FBLN1: variants seen among roughly 807,000 people sequenced by gnomAD.
The protein encoded by FBLN1 is fibulin 1.
FBLN1 carries 34 observed loss-of-function variants against 89.7 expected under a neutral mutation model. The observed-to-expected ratio is 0.38, with a 90% confidence interval of 0.29 to 0.50. The LOEUF (loss-of-function observed/expected upper bound fraction) is 0.50, where lower values mean the gene tolerates loss of function less well. FBLN1 is among the 20% of genes least tolerant of loss of function. FBLN1 has a pLI of 0.92. For synonymous variants in FBLN1, 393 were observed against 391.3 expected (o/e 1.00, Z -0.05); for missense variants, 777 against 988.1 (o/e 0.79, Z 2.86).
rs961410986 is a variant in FBLN1 at position 45,532,560 on chromosome 22, G to T, written c.545-503G>T. On this transcript the variant is annotated intron_variant, in intron 5 of 16. Coordinates refer to ENST00000327858, the MANE Select transcript of FBLN1 (RefSeq NM_006486.3). This position sits in a 1 kb window ranked among gnomAD's most constrained non-coding sequence, Gnocchi z 4.2. Reference sequence around the variant, plus strand: ...TCTGGCCACCCTGTAGGAAGAACAGGTTGTGGGGTGCTTCTGGGCTATGCA... The same window carrying T: ...TCTGGCCACCCTGTAGGAAGAACAGTTTGTGGGGTGCTTCTGGGCTATGCA... 1.3e-5 allele frequency among the ~76,000 whole-genome samples: 2 copies of T among 152,166 alleles called. No homozygotes were observed. The highest frequency in any genetic ancestry group is 2.9e-5 in the Non-Finnish European group (2 of 68,008).
intron 16 of FBLN1, among the ~76,000 whole-genome samples, chr22:45,582,911 G>C (rs1273534145): frequency 6.6e-6 from 1 of 152,194 alleles, no homozygotes; most frequent in Non-Finnish European, 1.5e-5. Flanking sequence ...GTAGTATCAA[G>C]ACCAGACCTT....
chr22:45,579,277 C>T lies in FBLN1; in HGVS notation c.1972+2169C>T, dbSNP rs187765289. Among the ~76,000 whole-genome samples the T allele has an allele frequency of 5.6e-3, 854 of 152,388 alleles. 6 individuals are homozygous for T. The highest frequency in any genetic ancestry group is 0.02 in the African/African-American group (836 of 41,598). Reference sequence around the variant, plus strand: ...GGCTCCTAGAGACCATCCCTTCCTTCTTCCGTAGGAGGGGAAACTGAGGCC... The same window carrying T: ...GGCTCCTAGAGACCATCCCTTCCTTTTTCCGTAGGAGGGGAAACTGAGGCC... On this transcript the variant is annotated intron_variant, in intron 16 of 16. Coordinates refer to ENST00000327858, the MANE Select transcript of FBLN1 (RefSeq NM_006486.3). The surrounding 1 kb of genome is among the most constrained non-coding windows in gnomAD (Gnocchi z 5.5).
Position 45,542,165 on chromosome 22 carries a change from G to C in FBLN1, c.1077G>C (p.Glu359Asp). Residue 359 changes from glutamate (E) to aspartate (D), a missense_variant, in exon 10 of 17, where the codon GAG (glutamate) becomes GAC (aspartate). By Grantham distance (45) the Glu-to-Asp change is conservative. Transcript: ENST00000327858. Reference sequence around the variant, plus strand: ...TTTCTCCTTTGCAAGATGTGGACGAGTGCGCGCCACCTGCTGAGCCCTGTG... The same window carrying C: ...TTTCTCCTTTGCAAGATGTGGACGACTGCGCGCCACCTGCTGAGCCCTGTG... ...EEGTRCVDVD[E>D]CAPPAEPCGK... 6.2e-7 allele frequency: 1 copy of C among 1,614,200 alleles called. No homozygotes were observed. Among genetic ancestry groups the C allele is most frequent in the Non-Finnish European group, 8.5e-7 (1 of 1,180,046 alleles).
At chr22:45,573,250 G>C (rs2088965502) in intron 14 of FBLN1, among the ~76,000 whole-genome samples, 1 of 151,686 alleles carries the variant, frequency 6.6e-6, no homozygotes, top group Non-Finnish European at 1.5e-5. Context: ...TAAATAAATA[G>C]AAAAGAAAAT....
At chr22:45,528,520 T>A (rs2088361460) in intron 4 of FBLN1, among the ~76,000 whole-genome samples, 1 of 152,084 alleles carries the variant, frequency 6.6e-6, no homozygotes, top group African/African-American at 2.4e-5. Flanking sequence ...AATTTTTGTA[T>A]TTTTAGTAGG....
Position 45,561,079 on chromosome 22 carries a change from A to G in FBLN1, c.1697+10464A>G, listed in dbSNP as rs2088845688. ...TTATAAACTCAGTGTCCCCAGCTTC[A>G]TCAGGCTCCTCCCACATGTCCCCAT... On this transcript the variant is annotated intron_variant, in intron 14 of 16. Coordinates refer to ENST00000327858, the MANE Select transcript of FBLN1 (RefSeq NM_006486.3). The surrounding 1 kb of genome is among the most constrained non-coding windows in gnomAD (Gnocchi z 4.7). 6.6e-6 allele frequency among the ~76,000 whole-genome samples: 1 copy of G among 152,204 alleles called. No individual in the cohort carries two copies. Among genetic ancestry groups the G allele is most frequent in the Non-Finnish European group, 1.5e-5 (1 of 68,036 alleles).
In FBLN1 at chr22:45,576,441, T is replaced by C. The variant is rs560269299; in HGVS notation, c.1841-536T>C. 2.0e-5 allele frequency among the ~76,000 whole-genome samples: 3 copies of C among 152,146 alleles called. No homozygotes were observed. The highest frequency in any genetic ancestry group is 2.0e-4 in the Admixed American group (3 of 15,300). ...TTCCTCACCTTACAGGTGAGGAAAC[T>C]GAGGCCCACAGAGAGGACTCCCCCA... On this transcript the variant is annotated intron_variant, in intron 15 of 16. Coordinates refer to ENST00000327858, the MANE Select transcript of FBLN1 (RefSeq NM_006486.3). This position sits in a 1 kb window ranked among gnomAD's most constrained non-coding sequence, Gnocchi z 5.2.
intron 2 of FBLN1, among the ~76,000 whole-genome samples, chr22:45,519,758 AGTCTGGCCC>A (rs1336353625): frequency 2.0e-5 from 3 of 152,196 alleles, no homozygotes; most frequent in African/African-American, 7.2e-5. Context: ...GACAGCAGCC[AGTCTGGCCC>A]CGGGAAGGAC....
In FBLN1 at chr22:45,600,436, A is replaced by C. The variant is rs1920925211; in HGVS notation, c.2102A>C (p.Tyr701Ser). ...AACGTCCACATCTTCGTCTCTGAGT[A>C]CTGGTTCTGAGGGCTGGTCTGCCGC... ...VVNVHIFVSE[Y>S]WF The change falls in exon 17 of 17, where the codon TAC (tyrosine) becomes TCC (serine). Residue 701 changes from tyrosine to serine, a missense_variant. Coordinates refer to ENST00000327858, the MANE Select transcript of FBLN1 (RefSeq NM_006486.3). The C allele has an allele frequency of 6.2e-7, 1 of 1,613,992 alleles. No homozygotes were observed. The highest frequency in any genetic ancestry group is 8.5e-7 in the Non-Finnish European group (1 of 1,180,028).
rs918552636 is a variant in FBLN1, at chr22:45,563,740, G to C, written c.1698-10771G>C. Among the ~76,000 whole-genome samples, 8 of 152,210 alleles carry C rather than the reference G, an allele frequency of 5.3e-5. No individual in the cohort carries two copies. Among genetic ancestry groups the C allele is most frequent in the African/African-American group, 1.7e-4 (7 of 41,450 alleles). On this transcript the variant is annotated intron_variant, in intron 14 of 16. Coordinates refer to ENST00000327858, the MANE Select transcript of FBLN1 (RefSeq NM_006486.3). This position sits in a 1 kb window ranked among gnomAD's most constrained non-coding sequence, Gnocchi z 5.7. ...CGTCTGGCCTGCTGTGGCCATGCCAGGTCAAGGAAGCGGGTCTGCTGGCCC... is the reference window on the plus strand; with the variant it reads ...CGTCTGGCCTGCTGTGGCCATGCCACGTCAAGGAAGCGGGTCTGCTGGCCC...
At chr22:45,548,814 C>A in intron 13 of FBLN1, 70 bp downstream of exon 13, 1 of 1,596,788 alleles carries the variant, frequency 6.3e-7, no homozygotes, top group Admixed American at 1.7e-5. Flanking sequence ...GGGGCTGAGG[C>A]TGGGCTCGGG....
rs2088610293 is a variant in FBLN1, at chr22:45,545,144, A to T, written c.1321+1618A>T. The stretch of plus-strand genomic sequence containing the variant: ...GCATGATTCTCAAATCGGAGGACGG[A>T]CGGTGTGAGGGGTCCTGGGCTTAGT... On this transcript the variant is annotated intron_variant, in intron 11 of 16. Coordinates refer to ENST00000327858, the MANE Select transcript of FBLN1 (RefSeq NM_006486.3). The surrounding 1 kb of genome is among the most constrained non-coding windows in gnomAD (Gnocchi z 5.9). Among the ~76,000 whole-genome samples, 1 of 152,172 alleles carries T rather than the reference A, an allele frequency of 6.6e-6. No individual in the cohort carries two copies. Among genetic ancestry groups the T allele is most frequent in the African/African-American group, 2.4e-5 (1 of 41,450 alleles).
chr22:45,517,306 G>A (rs1186232430), intron 1 of FBLN1: 1 of 314,602 alleles, frequency 3.2e-6, no homozygotes, highest in Non-Finnish European at 6.2e-6. Context: ...CCAGCAGCTG[G>A]GGCTGTCGTG....
rs1254713765 is a variant in FBLN1, at chr22:45,532,817, AC to A, written c.545-243del. Reference sequence around the variant, plus strand: ...AGGTCCACCCCAGCCTACAAAGGGCACCCTGCACACCACCTGATTTTCCAGA... The same window carrying A: ...AGGTCCACCCCAGCCTACAAAGGGCACCTGCACACCACCTGATTTTCCAGA... On this transcript the variant is annotated intron_variant, in intron 5 of 16. Coordinates refer to ENST00000327858, the MANE Select transcript of FBLN1 (RefSeq NM_006486.3). The surrounding 1 kb of genome is among the most constrained non-coding windows in gnomAD (Gnocchi z 4.2). The A allele has an allele frequency of 3.4e-6, 2 of 583,514 alleles. No individual in the cohort carries two copies. The highest frequency in any genetic ancestry group is 2.0e-5 in the South Asian group (1 of 50,652). 36.1% of individuals were successfully genotyped at this position (583,514 alleles called of 1,614,324 possible).
intron 6 of FBLN1, 126 bp from the exon 7 acceptor site, chr22:45,533,635 A>G (rs2146969488): frequency 9.6e-7 from 1 of 1,047,086 alleles, no homozygotes; most frequent in South Asian, 1.3e-5. Flanking sequence ...CACATGGTGG[A>G]CCTGAGCTCA....
In FBLN1 at chr22:45,590,372, C is replaced by A. The variant is rs981954007; in HGVS notation, c.1973-9935C>A. Among the ~76,000 whole-genome samples the A allele has an allele frequency of 6.6e-6, 1 of 152,212 alleles. No individual in the cohort carries two copies. The highest frequency in any genetic ancestry group is 2.4e-5 in the African/African-American group (1 of 41,452). ...CAAGACTTGAACTCGTCCTGCCCTTCGTGGCCCCCTCACCTTGGGGGATTG... is the reference window on the plus strand; with the variant it reads ...CAAGACTTGAACTCGTCCTGCCCTTAGTGGCCCCCTCACCTTGGGGGATTG... On this transcript the variant is annotated intron_variant, in intron 16 of 16. Transcript: ENST00000327858. The surrounding 1 kb of genome is among the most constrained non-coding windows in gnomAD (Gnocchi z 4.1).
intron 3 of FBLN1, among the ~76,000 whole-genome samples, chr22:45,526,452 C>T (rs1281292181): frequency 6.6e-6 from 1 of 152,220 alleles, no homozygotes; most frequent in African/African-American, 2.4e-5. Flanking sequence ...ACAAGCCCGG[C>T]CAGGAGGAAC....
In FBLN1 at chr22:45,545,805, C is replaced by T. The variant is rs879869123; in HGVS notation, c.1322-1280C>T. Among the ~76,000 whole-genome samples, 6 of 152,212 alleles carry T rather than the reference C, an allele frequency of 3.9e-5. No individual in the cohort carries two copies. The highest frequency in any genetic ancestry group is 3.9e-4 in the East Asian group (2 of 5,180). On this transcript the variant is annotated intron_variant, in intron 11 of 16. Transcript: ENST00000327858. This position sits in a 1 kb window ranked among gnomAD's most constrained non-coding sequence, Gnocchi z 5.9. ...TTCCAGCCACAATCTCTGTTGCAACCGCTGAACTCTGCTGTGGTAGCAGAG... is the reference window on the plus strand; with the variant it reads ...TTCCAGCCACAATCTCTGTTGCAACTGCTGAACTCTGCTGTGGTAGCAGAG...
In FBLN1 at chr22:45,590,633, C is replaced by A. The variant is rs528165046; in HGVS notation, c.1973-9674C>A. On this transcript the variant is annotated intron_variant, in intron 16 of 16. Transcript: ENST00000327858. This position sits in a 1 kb window ranked among gnomAD's most constrained non-coding sequence, Gnocchi z 4.1. The stretch of plus-strand genomic sequence containing the variant: ...GGTACACGTGTTCAGGTAGATGCGA[C>A]GAGGCCGGAACTGAGGCCAGGTGGG... Among the ~76,000 whole-genome samples, 1 of 152,070 alleles carries A rather than the reference C, an allele frequency of 6.6e-6. No homozygotes were observed. Among genetic ancestry groups the A allele is most frequent in the Non-Finnish European group, 1.5e-5 (1 of 68,016 alleles).
Sources: gnomAD v4.1 joint callset for allele counts (sites outside exome capture counted in the v4.1 genomes callset) on GRCh38, gnomAD v4.1.1 for gene constraint, Gnocchi (gnomAD v3.1) non-coding constraint, MANE v1.5 for transcripts, NCBI Gene and HGNC (gene_info 2026-07-23, HGNC 2026-07-21) for gene names.